CEP63: variants seen among roughly 807,000 people sequenced by gnomAD.
The protein encoded by CEP63 is centrosomal protein 63.
Under a neutral mutation model 89.1 loss-of-function variants are expected in CEP63, and 84 were observed. The observed-to-expected ratio is 0.94, with a 90% CI of 0.79 to 1.13. The LOEUF is 1.13. CEP63 is among the 50% of genes most tolerant of loss of function. The pLI, the probability that CEP63 is intolerant of heterozygous loss-of-function variation, is 0.00. For missense variants in CEP63, 838 were observed against 813.3 expected (o/e 1.03, Z -0.37); for synonymous variants, 267 against 272.5 (o/e 0.98, Z 0.20).
upstream of CEP63, chr3:134,485,874 AG>A (rs1313067426): frequency 4.0e-6 from 2 of 504,156 alleles, no homozygotes; most frequent in African/African-American, 2.1e-5. Context: ...CGATGGGAAT[AG>A]GGGGAAGTCC....
intron 3 of CEP63, among the ~76,000 whole-genome samples, chr3:134,507,635 G>A (rs1275986315): frequency 6.6e-6 from 1 of 151,946 alleles, no homozygotes; most frequent in African/African-American, 2.4e-5. Context: ...TCACTGTATG[G>A]CTGGTATTAC....
the CEP63 span, among the ~76,000 whole-genome samples, chr3:134,633,747 C>T: frequency 1.3e-5 from 2 of 152,030 alleles, no homozygotes; most frequent in African/African-American, 4.8e-5. Context: ...CTGGAAGTCC[C>T]ACCCTGTGTA....
chr3:134,749,570 T>G, the CEP63 span, among the ~76,000 whole-genome samples: 1 of 151,682 alleles, frequency 6.6e-6, no homozygotes, highest in Non-Finnish European at 1.5e-5. Context: ...GTGGATCTTA[T>G]CACTATCCCA....
At chr3:134,778,892 C>G in the CEP63 span, among the ~76,000 whole-genome samples, 1 of 152,184 alleles carries the variant, frequency 6.6e-6, no homozygotes, top group African/African-American at 2.4e-5. Flanking sequence ...AGACTGAACA[C>G]CTTTGCACAC....
downstream of CEP63, among the ~76,000 whole-genome samples, chr3:134,578,323 T>TG (rs1958261365): frequency 3.6e-4 from 3 of 8,318 alleles, no homozygotes; most frequent in Non-Finnish European, 5.2e-4. Context: ...CTGACTTGTG[T>TG]TTTTTTTTTT....
At position 134,563,454 on chromosome 3, in the gene CEP63, ACT is replaced by A. The variant is rs1199037242; in HGVS notation, c.*1922_*1923del. 1.3e-5 allele frequency: 2 copies of A among 151,154 alleles called. No homozygotes were observed. Among genetic ancestry groups the A allele is most frequent in the East Asian group, 3.9e-4 (2 of 5,140 alleles). 9.4% of individuals were successfully genotyped at this position (151,154 alleles called of 1,614,324 possible). On this transcript the variant is annotated 3_prime_UTR_variant, in exon 15 of 15. Coordinates refer to ENST00000675561, the MANE Select transcript of CEP63 (RefSeq NM_001353108.3). ...TTTTTTTTTATTGAGACAGAGTCTC[ACT>A]CTGTCGCCCAAGCTGCAGTACAGTG... is the stretch of plus-strand genomic sequence containing the variant.
At chr3:134,537,586 A>C (rs1005521722) in intron 6 of CEP63, among the ~76,000 whole-genome samples, 1 of 152,036 alleles carries the variant, frequency 6.6e-6, no homozygotes, top group African/African-American at 2.4e-5. Flanking sequence ...CTATGCTTGC[A>C]TCCATGTTCA....
chr3:134,638,134 G>A, the CEP63 span, among the ~76,000 whole-genome samples: 1 of 152,188 alleles, frequency 6.6e-6, no homozygotes, highest in South Asian at 2.1e-4. Context: ...TTACTGTTGT[G>A]TGAGGGCACC....
At chr3:134,710,713 TTTC>T in the CEP63 span, among the ~76,000 whole-genome samples, 1 of 133,596 alleles carries the variant, frequency 7.5e-6, no homozygotes, top group Non-Finnish European at 1.6e-5. Context: ...TTCCTTTTTT[TTTC>T]TTTTTCTTTC....
chr3:134,685,198 C>A, the CEP63 span, among the ~76,000 whole-genome samples: 1 of 151,902 alleles, frequency 6.6e-6, no homozygotes, highest in Non-Finnish European at 1.5e-5. Context: ...ATCTTCATGC[C>A]AAACATCTTA....
At chr3:134,646,560 G>T in the CEP63 span, among the ~76,000 whole-genome samples, 1 of 152,198 alleles carries the variant, frequency 6.6e-6, no homozygotes, top group African/African-American at 2.4e-5. Context: ...AACAGAATGA[G>T]TGAATGAATT....
chr3:134,525,629 G>C (rs1203747092), intron 3 of CEP63, among the ~76,000 whole-genome samples: 1 of 152,166 alleles, frequency 6.6e-6, no homozygotes, highest in Non-Finnish European at 1.5e-5. Flanking sequence ...ACTGGTCTGT[G>C]TACTTTAGTC....
intron 14 of CEP63, among the ~76,000 whole-genome samples, chr3:134,560,095 A>G (rs537701915): frequency 2.0e-5 from 3 of 152,340 alleles, no homozygotes; most frequent in Non-Finnish European, 2.9e-5. Flanking sequence ...TTTATTTTTC[A>G]AAATAAGTCC....
chr3:134,571,535 G>A (rs1009289015), intron 11 of CEP63, among the ~76,000 whole-genome samples: 1 of 152,136 alleles, frequency 6.6e-6, no homozygotes, highest in Non-Finnish European at 1.5e-5. Flanking sequence ...CAAAAAATTA[G>A]CTGGGCATGG....
chr3:134,781,815 C>A, the CEP63 span, among the ~76,000 whole-genome samples: 5 of 152,184 alleles, frequency 3.3e-5, no homozygotes, highest in Admixed American at 6.5e-5. Context: ...GGGTTTTCTA[C>A]AAAATCTTGC....
chr3:134,608,259 G>T, the CEP63 span: 2 of 1,197,228 alleles, frequency 1.7e-6, no homozygotes, highest in East Asian at 5.7e-5. Context: ...CCAGGGTGAC[G>T]TAGTCCTTTT....
the CEP63 span, among the ~76,000 whole-genome samples, chr3:134,602,742 T>C: frequency 1.3e-5 from 2 of 152,142 alleles, no homozygotes; most frequent in African/African-American, 4.8e-5. Context: ...GGCCTTAGAC[T>C]GAACTACCTG....
the CEP63 span, among the ~76,000 whole-genome samples, chr3:134,776,214 C>G: frequency 2.0e-5 from 3 of 152,238 alleles, no homozygotes; most frequent in East Asian, 5.8e-4. Flanking sequence ...CTGTGTCCAG[C>G]AGTTCCAGTC....
the CEP63 span, among the ~76,000 whole-genome samples, chr3:134,649,966 G>A: frequency 2.6e-5 from 4 of 152,274 alleles, no homozygotes; most frequent in East Asian, 1.9e-4. Flanking sequence ...GAACTGGCCC[G>A]CAGTCCGCCT....
Sources: allele counts gnomAD v4.1 joint callset (sites outside exome capture counted in the v4.1 genomes callset), GRCh38; gene constraint gnomAD v4.1.1; transcripts MANE v1.5; gene names NCBI Gene and HGNC (gene_info 2026-07-23, HGNC 2026-07-21).